Variants in EEFSEC observed in about 807,000 individuals in gnomAD.
EEFSEC encodes eukaryotic elongation factor, selenocysteine-tRNA specific, also known as selenocysteine-specific elongation factor.
In EEFSEC, 43 loss-of-function variants were observed where a neutral mutation model predicts 42.1. That is an observed-to-expected ratio of 1.02 (90% CI 0.80 to 1.32). The LOEUF is 1.32. Ranked by LOEUF, EEFSEC falls within the 40% of genes most tolerant of loss-of-function variation. EEFSEC has a pLI of 0.00. For missense variants in EEFSEC, 745 were observed against 803.6 expected, an observed-to-expected ratio of 0.93 and a Z score of 0.88; for synonymous variants, 354 against 339.1, an observed-to-expected ratio of 1.04 and a Z score of -0.48.
the EEFSEC span, among the ~76,000 whole-genome samples, chr3:128,421,603 C>A: frequency 6.6e-6 from 1 of 152,222 alleles, no homozygotes; most frequent in Non-Finnish European, 1.5e-5. Context: ...GCCTCTTGTG[C>A]CGACTTTTCC....
At chr3:128,183,830 C>G (rs1205017219) in intron 1 of EEFSEC, among the ~76,000 whole-genome samples, 1 of 152,180 alleles carries the variant, frequency 6.6e-6, no homozygotes, top group Non-Finnish European at 1.5e-5. Context: ...AGTTGCTTTC[C>G]ATTCCTTATC....
At chr3:128,275,703 G>C (rs1184425441) in intron 4 of EEFSEC, among the ~76,000 whole-genome samples, 3 of 152,250 alleles carry the variant, frequency 2.0e-5, no homozygotes, top group Admixed American at 1.3e-4. Context: ...CTTTGCCCAG[G>C]CATTCTGAGC....
chr3:128,417,013 G>T, the EEFSEC span, among the ~76,000 whole-genome samples: 1 of 152,014 alleles, frequency 6.6e-6, no homozygotes, highest in Admixed American at 6.6e-5. This position sits in a 1 kb window ranked among gnomAD's most constrained non-coding sequence, Gnocchi z 4.3. Context: ...GTCCCAGCAG[G>T]GTTCCTGACC....
intron 1 of EEFSEC, among the ~76,000 whole-genome samples, chr3:128,186,011 GC>G (rs1182361801): frequency 6.6e-6 from 1 of 152,156 alleles, no homozygotes; most frequent in Non-Finnish European, 1.5e-5. Context: ...ATGAGGAACT[GC>G]CAAACTTTTT....
rs569767734 is a variant in EEFSEC at position 128,182,818 on chromosome 3, A to C, written c.316+28995A>C. 2.2e-3 allele frequency among the ~76,000 whole-genome samples: 299 copies of C among 137,362 alleles called. 2 individuals are homozygous for C. Among genetic ancestry groups the C allele is most frequent in the Middle Eastern group, 3.8e-3 (1 of 264 alleles). The allele number at this position is 137,362 out of a possible 152,430, so 90.1% of individuals were successfully genotyped here. ...GGCTCCCACCAGCCCTGCTGCTAGC[A>C]GAGACCTGGCGACCACTGTGGCTTT... On this transcript the variant is annotated intron_variant, in intron 1 of 6. Coordinates refer to ENST00000254730, the MANE Select transcript of EEFSEC (RefSeq NM_021937.5).
intron 6 of EEFSEC, among the ~76,000 whole-genome samples, chr3:128,385,243 T>C (rs749744088): frequency 6.6e-6 from 1 of 152,084 alleles, no homozygotes; most frequent in Non-Finnish European, 1.5e-5. Flanking sequence ...CCCAACCCTG[T>C]AGGTTTCAGA....
At chr3:128,186,035 A>G (rs986235140) in intron 1 of EEFSEC, among the ~76,000 whole-genome samples, 1 of 152,080 alleles carries the variant, frequency 6.6e-6, no homozygotes, top group Non-Finnish European at 1.5e-5. Context: ...CAGCTGGTAC[A>G]CCATTTTTCA....
At chr3:128,323,606 C>T (rs2067031585) in intron 4 of EEFSEC, among the ~76,000 whole-genome samples, 1 of 152,134 alleles carries the variant, frequency 6.6e-6, no homozygotes, top group Non-Finnish European at 1.5e-5. Context: ...TCGCCATAGC[C>T]CCACGGGTGT....
intron 4 of EEFSEC, among the ~76,000 whole-genome samples, chr3:128,340,075 T>A (rs778101903): frequency 5.9e-5 from 9 of 152,104 alleles, no homozygotes; most frequent in Non-Finnish European, 1.3e-4. Flanking sequence ...CATATCAGCC[T>A]CCCTCCCTGC....
intron 2 of EEFSEC, among the ~76,000 whole-genome samples, chr3:128,248,354 GT>G (rs1404316793): frequency 6.6e-6 from 1 of 152,114 alleles, no homozygotes; most frequent in Non-Finnish European, 1.5e-5. Flanking sequence ...CATTTATGAT[GT>G]TTTTTTCAGA....
intron 1 of EEFSEC, among the ~76,000 whole-genome samples, chr3:128,181,663 C>T (rs765698457): frequency 6.6e-6 from 1 of 152,176 alleles, no homozygotes; most frequent in African/African-American, 2.4e-5. Context: ...GCACAGCCCA[C>T]CTGGGCTGGT....
rs544703585 is a variant in EEFSEC at position 128,344,024 on chromosome 3, G to T, written c.1443+2135G>T. Among the ~76,000 whole-genome samples, 9 of 152,350 alleles carry T rather than the reference G, an allele frequency of 5.9e-5. 1 individual carries two copies. In the South Asian group the frequency reaches 1.9e-3, roughly 32 times the overall value. On this transcript the variant is annotated intron_variant, in intron 5 of 6. Coordinates refer to ENST00000254730, the MANE Select transcript of EEFSEC (RefSeq NM_021937.5). The stretch of plus-strand genomic sequence containing the variant: ...CCTATGAGCCCAGGGCTTTGGTCGA[G>T]GAAGAAGGCCTTCCTGAGGCTCCAC...
At chr3:128,287,603 C>T (rs2066599866) in intron 4 of EEFSEC, among the ~76,000 whole-genome samples, 1 of 152,208 alleles carries the variant, frequency 6.6e-6, no homozygotes, top group Non-Finnish European at 1.5e-5. Context: ...GACTGAGTCT[C>T]CTGGAGTTAG....
intron 1 of EEFSEC, among the ~76,000 whole-genome samples, chr3:128,196,727 C>T (rs2065588629): frequency 6.6e-6 from 1 of 152,106 alleles, no homozygotes; most frequent in Non-Finnish European, 1.5e-5. Context: ...AGAAATGTGA[C>T]CCAAACCTGT....
chr3:128,282,995 G>A (rs563737226), intron 4 of EEFSEC, among the ~76,000 whole-genome samples: 1 of 152,320 alleles, frequency 6.6e-6, no homozygotes, highest in South Asian at 2.1e-4. Flanking sequence ...GCCTTTTCTT[G>A]GGAACACGGT....
At chr3:128,287,097 C>T (rs985323505) in intron 4 of EEFSEC, among the ~76,000 whole-genome samples, 13 of 152,242 alleles carry the variant, frequency 8.5e-5, no homozygotes, top group Non-Finnish European at 1.6e-4. Flanking sequence ...TGGTTGTCCA[C>T]AGGTCCCTGA....
chr3:128,340,833 G>C (rs919316234), intron 4 of EEFSEC, among the ~76,000 whole-genome samples: 3 of 152,182 alleles, frequency 2.0e-5, no homozygotes, highest in African/African-American at 7.2e-5. Context: ...TCTTGGGGGA[G>C]GAGGCAGGCA....
intron 6 of EEFSEC, among the ~76,000 whole-genome samples, chr3:128,382,205 G>T (rs967179566): frequency 6.6e-6 from 1 of 152,224 alleles, no homozygotes; most frequent in Admixed American, 6.5e-5. Flanking sequence ...GAAACCCAAG[G>T]CCTCAAATCA....
intron 2 of EEFSEC, among the ~76,000 whole-genome samples, chr3:128,255,272 A>G (rs1188697325): frequency 3.9e-5 from 6 of 152,042 alleles, no homozygotes; most frequent in Non-Finnish European, 8.8e-5. Context: ...CGGGGACGTG[A>G]AGGATAGTCA....
Sources: gnomAD v4.1 joint callset for allele counts (sites outside exome capture counted in the v4.1 genomes callset) on GRCh38, gnomAD v4.1.1 for gene constraint, Gnocchi (gnomAD v3.1) non-coding constraint, MANE v1.5 for transcripts, NCBI Gene and HGNC (gene_info 2026-07-23, HGNC 2026-07-21) for gene names.